Variants in DSCAM observed in about 807,000 individuals in gnomAD.
The protein encoded by DSCAM is DS cell adhesion molecule, also known as cell adhesion molecule DSCAM.
In DSCAM, 47 loss-of-function variants were observed where a neutral mutation model predicts 217.7. That is an observed-to-expected ratio of 0.22 (90% CI 0.17 to 0.28). DSCAM has a LOEUF of 0.28. Among genes scored for constraint, DSCAM ranks in the 10% least tolerant of loss-of-function variants. The probability of loss-of-function intolerance (pLI) is 1.00; values close to 1 mark genes in which losing one functional copy is unlikely to be tolerated. For synonymous variants in DSCAM, 1,056 were observed against 1,015.3 expected, an observed-to-expected ratio of 1.04 and a Z score of -0.76; for missense variants, 2,080 against 2,618.3, an observed-to-expected ratio of 0.79 and a Z score of 4.49.
At chr21:40,485,344 G>GC (rs1555844171) in intron 3 of DSCAM, among the ~76,000 whole-genome samples, 1 of 147,984 alleles carries the variant, frequency 6.8e-6, no homozygotes, top group Non-Finnish European at 1.5e-5. Context: ...CCAGGTTCAC[G>GC]CCATTCTCCT....
At chr21:40,679,553 C>A (rs1298522267) in intron 3 of DSCAM, among the ~76,000 whole-genome samples, 1 of 152,102 alleles carries the variant, frequency 6.6e-6, no homozygotes, top group Non-Finnish European at 1.5e-5. Flanking sequence ...CATGTGCATG[C>A]CATAGAATTG....
At chr21:40,666,077 T>G (rs542759123) in intron 3 of DSCAM, among the ~76,000 whole-genome samples, 1 of 152,260 alleles carries the variant, frequency 6.6e-6, no homozygotes, top group East Asian at 1.9e-4. Context: ...CTACTCTCAG[T>G]GGGGACTGCC....
chr21:40,490,604 G>A (rs990485709), intron 3 of DSCAM, among the ~76,000 whole-genome samples: 1 of 152,122 alleles, frequency 6.6e-6, no homozygotes, highest in East Asian at 1.9e-4. Context: ...GGTCTGGCTG[G>A]AGTACCCCCA....
chr21:40,294,848 T>A (rs1353632238), intron 10 of DSCAM, among the ~76,000 whole-genome samples: 1 of 152,220 alleles, frequency 6.6e-6, no homozygotes, highest in Non-Finnish European at 1.5e-5. Context: ...GATTTTATTT[T>A]TGAAGAAGTC....
At chr21:40,712,805 G>GAGAA (rs2090796277) in intron 1 of DSCAM, among the ~76,000 whole-genome samples, 1 of 146,600 alleles carries the variant, frequency 6.8e-6, no homozygotes, top group Admixed American at 6.8e-5. Context: ...TATAGAAGTT[G>GAGAA]AGACAGAGAG....
intron 3 of DSCAM, among the ~76,000 whole-genome samples, chr21:40,585,136 A>G (rs1390480685): frequency 4.6e-5 from 7 of 150,614 alleles, no homozygotes; most frequent in South Asian, 2.1e-4. Flanking sequence ...TGCTGGGGCA[A>G]TGCTTCTTGT....
At chr21:40,247,126 A>AATT (rs1162725287) in intron 11 of DSCAM, among the ~76,000 whole-genome samples, 1 of 152,150 alleles carries the variant, frequency 6.6e-6, no homozygotes, top group Non-Finnish European at 1.5e-5. Context: ...CCCATGATTT[A>AATT]ATTACCTCCA....
intron 11 of DSCAM, among the ~76,000 whole-genome samples, chr21:40,226,548 G>A (rs1043011620): frequency 6.6e-6 from 1 of 152,078 alleles, no homozygotes; most frequent in African/African-American, 2.4e-5. Context: ...GCTAAGTGAG[G>A]AGGCCTGGTG....
At chr21:40,492,428 A>T (rs1054549110) in intron 3 of DSCAM, among the ~76,000 whole-genome samples, 1 of 152,182 alleles carries the variant, frequency 6.6e-6, no homozygotes, top group African/African-American at 2.4e-5. Flanking sequence ...TTTCTCACAA[A>T]TAATTCAAAA....
intron 11 of DSCAM, among the ~76,000 whole-genome samples, chr21:40,232,701 T>A (rs2091392708): frequency 6.6e-6 from 1 of 152,188 alleles, no homozygotes; most frequent in Non-Finnish European, 1.5e-5. Flanking sequence ...TTAGCTGTAA[T>A]TTTTATGAGA....
chr21:40,606,041 A>C (rs59179873), intron 3 of DSCAM, among the ~76,000 whole-genome samples: 2,661 of 151,970 alleles, frequency 0.018, 76 homozygotes, highest in African/African-American at 0.062. Flanking sequence ...ACTCAGGCGA[A>C]CCACCCACCC....
At chr21:40,308,224 T>C (rs1402768243) in intron 9 of DSCAM, among the ~76,000 whole-genome samples, 2 of 152,224 alleles carry the variant, frequency 1.3e-5, no homozygotes, top group Non-Finnish European at 2.9e-5. Flanking sequence ...TCTTCCTTTT[T>C]AGTGTCAAAT....
intron 1 of DSCAM, among the ~76,000 whole-genome samples, chr21:40,717,339 A>G (rs1004554174): frequency 2.0e-5 from 3 of 152,260 alleles, no homozygotes; most frequent in Non-Finnish European, 1.5e-5. Flanking sequence ...TTAGGCACAT[A>G]CCCAGGAGAA....
At chr21:40,425,521 G>T (rs2075464332) in intron 3 of DSCAM, among the ~76,000 whole-genome samples, 1 of 147,456 alleles carries the variant, frequency 6.8e-6, no homozygotes, top group Non-Finnish European at 1.5e-5. Context: ...AGATAAATAA[G>T]AATTTTTTTA....
intron 11 of DSCAM, among the ~76,000 whole-genome samples, chr21:40,253,694 C>A (rs781123696): frequency 6.6e-6 from 1 of 152,226 alleles, no homozygotes; most frequent in African/African-American, 2.4e-5. Flanking sequence ...AAACTCTGAG[C>A]AATGCAACTC....
intron 31 of DSCAM, 134 bp from the exon 32 acceptor site, chr21:40,042,807 C>T (rs1373833188): frequency 5.8e-5 from 49 of 844,888 alleles, no homozygotes; most frequent in Non-Finnish European, 8.6e-5. Flanking sequence ...GGCTCCTTGG[C>T]GGAGGCTCCT....
At chr21:40,593,647 T>C (rs1430737750) in intron 3 of DSCAM, among the ~76,000 whole-genome samples, 1 of 152,200 alleles carries the variant, frequency 6.6e-6, no homozygotes, top group African/African-American at 2.4e-5. Context: ...TACCAGGCTA[T>C]GATGTTTCAA....
rs113327701 is a variant in DSCAM, at chr21:40,495,010, G to C, written c.509-125765C>G. Among the ~76,000 whole-genome samples the C allele has an allele frequency of 2.7e-3, 404 of 152,052 alleles. 1 individual carries two copies. Among genetic ancestry groups the C allele is most frequent in the African/African-American group, 9.3e-3 (387 of 41,498 alleles). ...ACATAAAAAAACAGATAAATATCTA[G>C]ACACATACAACTTACCAAGACTGAA... is the stretch of plus-strand genomic sequence containing the variant. On this transcript the variant is annotated intron_variant, in intron 3 of 32. Coordinates refer to ENST00000400454, the MANE Select transcript of DSCAM (RefSeq NM_001389.5).
At chr21:40,503,939 T>G (rs4816686) in intron 3 of DSCAM, among the ~76,000 whole-genome samples, 115,652 of 152,144 alleles carry the variant, frequency 0.76, 44,853 homozygotes, top group African/African-American at 0.93. Flanking sequence ...GTTGGTCATT[T>G]CTGCTAGTTC....
Sources: gnomAD v4.1 joint callset for allele counts (sites outside exome capture counted in the v4.1 genomes callset) on GRCh38, gnomAD v4.1.1 for gene constraint, MANE v1.5 for transcripts, NCBI Gene and HGNC (gene_info 2026-07-23, HGNC 2026-07-21) for gene names.